DEPDC7: variants seen among roughly 807,000 people sequenced by gnomAD.
DEPDC7 encodes the protein DEP domain containing 7, also known as DEP domain-containing protein 7.
DEPDC7 carries 41 observed loss-of-function variants against 56.6 expected under a neutral mutation model. The ratio of observed to expected loss-of-function variants is 0.72; its 90% CI spans 0.56 to 0.94. The LOEUF (loss-of-function observed/expected upper bound fraction) is 0.94. DEPDC7 is among the 40% of genes least tolerant of loss of function. The probability of loss-of-function intolerance (pLI) is 0.00; values close to 1 mark genes in which losing one functional copy is unlikely to be tolerated. For synonymous variants in DEPDC7, 185 were observed against 208.8 expected (o/e 0.89, Z 0.98); for missense variants, 522 against 596.3 (o/e 0.88, Z 1.30).
At chr11:33,016,338 G>A (rs1032759810) in intron 1 of DEPDC7, 1 of 1,399,500 alleles carries the variant, frequency 7.1e-7, no homozygotes, top group African/African-American at 1.5e-5. Flanking sequence ...GGCACGCGCC[G>A]GGGAGCTCCG....
At position 33,027,878 on chromosome 11, in the gene DEPDC7, A is replaced by G. The variant is rs188182777; in HGVS notation, c.592+65A>G. ...ACTTCAAAGTTATTTAAAATTTTTT[A>G]ATCTTAATCTTTATTAGATTTTAAA... On this transcript the variant is annotated intron_variant, in intron 3 of 8. Transcript: ENST00000241051. 50 of 1,417,314 alleles carry G rather than the reference A, an allele frequency of 3.5e-5. 2 individuals carry two copies. In the East Asian group the frequency reaches 1.3e-3, roughly 37 times the overall value. 87.8% of individuals were successfully genotyped at this position (1,417,314 alleles called of 1,614,324 possible). A position where few individuals can be genotyped will look rare whatever the true frequency, so the allele number is the denominator to read the frequency against.
Position 33,015,922 on chromosome 11 carries a change from T to A in DEPDC7, c.-34T>A. On this transcript the variant is annotated 5_prime_UTR_variant, in exon 1 of 9. Transcript: ENST00000241051. ...TCAGGGAGCTAGGGAGCTGTGAAGC[T>A]GCTGGAGGAGTTGGCGTCCGGGGAG... The A allele has an allele frequency of 6.5e-7, 1 of 1,550,352 alleles. No homozygotes were observed.
rs1215933550 is a variant in DEPDC7 at position 33,033,473 on chromosome 11, A to G, written c.*18A>G. Reference sequence around the variant, plus strand: ...GAGACTGAGTTTTTAATATCTGTATATAAGTTGTGTATTTTAAGAATAAAT... The same window carrying G: ...GAGACTGAGTTTTTAATATCTGTATGTAAGTTGTGTATTTTAAGAATAAAT... On this transcript the variant is annotated 3_prime_UTR_variant, in exon 9 of 9. Transcript: ENST00000241051. 6.9e-7 allele frequency: 1 copy of G among 1,439,524 alleles called. No individual in the cohort carries two copies. Among genetic ancestry groups the G allele is most frequent in the Non-Finnish European group, 9.4e-7 (1 of 1,066,278 alleles). The allele number at this position is 1,439,524 out of a possible 1,614,324, so 89.2% of individuals were successfully genotyped here.
chr11:33,027,556 C>A (rs1590209037), intron 2 of DEPDC7, 130 bp from the exon 3 acceptor site: 1 of 687,362 alleles, frequency 1.5e-6, no homozygotes, highest in Middle Eastern at 3.5e-4. Context: ...ATTTATTCTA[C>A]TCTTAGAATT....
At chr11:33,016,793 A>G (rs1482926863) in intron 1 of DEPDC7, among the ~76,000 whole-genome samples, 1 of 152,166 alleles carries the variant, frequency 6.6e-6, no homozygotes, top group African/African-American at 2.4e-5. Flanking sequence ...AATGCTGGTT[A>G]TAGCAGATCT....
At position 33,025,770 on chromosome 11, in the gene DEPDC7, A is replaced by G. The variant is rs1853570839; in HGVS notation, c.185A>G (p.His62Arg). The change falls in exon 2 of 9, where the codon CAT (histidine) becomes CGT (arginine). Residue 62 changes from histidine to arginine, a missense_variant. His to Arg is a conservative substitution (Grantham distance 29). Coordinates refer to ENST00000241051, the MANE Select transcript of DEPDC7 (RefSeq NM_001077242.2). ...VKKRRHRLKR[H>R]NDCFVGSEAV... ...AAACGAAGGCACCGTTTAAAACGACATAATGACTGCTTTGTTGGTTCAGAA... is the reference window on the plus strand; with the variant it reads ...AAACGAAGGCACCGTTTAAAACGACGTAATGACTGCTTTGTTGGTTCAGAA... 3 of 1,614,116 alleles carry G rather than the reference A, an allele frequency of 1.9e-6. No homozygotes were observed. Among genetic ancestry groups the G allele is most frequent in the South Asian group, 1.1e-5 (1 of 91,092 alleles).
rs1417344073 is a variant in DEPDC7 at position 33,032,321 on chromosome 11, T to C, written c.995-15T>C. 2 of 1,552,186 alleles carry C rather than the reference T, an allele frequency of 1.3e-6. No individual in the cohort carries two copies. The highest frequency in any genetic ancestry group is 8.6e-7 in the Non-Finnish European group (1 of 1,161,272). On this transcript the variant is annotated splice_polypyrimidine_tract_variant and intron_variant, in intron 5 of 8. Transcript: ENST00000241051. ...ATTTGGTCAATTAAAAGCAGTTTTTTTCTTTTGGCTAAAGTGAATGGGAAG... is the reference window on the plus strand; with the variant it reads ...ATTTGGTCAATTAAAAGCAGTTTTTCTCTTTTGGCTAAAGTGAATGGGAAG...
At chr11:33,027,026 C>A in intron 2 of DEPDC7, among the ~76,000 whole-genome samples, 1 of 152,286 alleles carries the variant, frequency 6.6e-6, no homozygotes. Flanking sequence ...TCAAAACTTT[C>A]AGATGCAGGT....
chr11:33,019,878 C>CTT (rs77915754), intron 1 of DEPDC7, among the ~76,000 whole-genome samples: 8 of 128,760 alleles, frequency 6.2e-5, no homozygotes, highest in South Asian at 2.5e-4. Context: ...GATTCAGTTC[C>CTT]TTTTTTTTTT....
rs1372953503 is a variant in DEPDC7 at position 33,028,626 on chromosome 11, G to C, written c.616G>C (p.Glu206Gln). 6.3e-7 allele frequency: 1 copy of C among 1,597,318 alleles called. No homozygotes were observed. The highest frequency in any genetic ancestry group is 8.5e-7 in the Non-Finnish European group (1 of 1,175,524). Reference sequence around the variant, plus strand: ...AGTTATTAATGAAGTGTGGCAAGAAGAAACAATTGGGCGTCTACTACAACT... The same window carrying C: ...AGTTATTAATGAAGTGTGGCAAGAACAAACAATTGGGCGTCTACTACAACT... ...PQVINEVWQE[E>Q]TIGRLLQLVD... The change falls in exon 4 of 9, where the codon GAA becomes CAA. Residue 206 changes from glutamate to glutamine, a missense_variant. Coordinates refer to ENST00000241051, the MANE Select transcript of DEPDC7 (RefSeq NM_001077242.2).
At position 33,033,057 on chromosome 11, in the gene DEPDC7, AT is replaced by A. The variant is rs144233192; in HGVS notation, c.1342+93del. 1,556 of 1,111,490 alleles carry A rather than the reference AT, an allele frequency of 1.4e-3. 13 individuals carry two copies. The African/African-American group carries it at 0.022, about 16-fold the overall frequency. The allele number at this position is 1,111,490 out of a possible 1,614,324, so 68.9% of individuals were successfully genotyped here. On this transcript the variant is annotated intron_variant, in intron 8 of 8. Coordinates refer to ENST00000241051, the MANE Select transcript of DEPDC7 (RefSeq NM_001077242.2). ...TTTTGCTATAAGTAGTTGGACTTTA[AT>A]TTCAACCAAATTTAAAACATTCTCC...
intron 3 of DEPDC7, chr11:33,028,068 G>A (rs778932696): frequency 6.4e-6 from 2 of 311,074 alleles, no homozygotes; most frequent in Admixed American, 1.0e-4. Context: ...TTTGCATGCA[G>A]ATTTGTATTG....
At chr11:33,025,106 C>T (rs1385495586) in intron 1 of DEPDC7, among the ~76,000 whole-genome samples, 2 of 152,130 alleles carry the variant, frequency 1.3e-5, no homozygotes, top group Admixed American at 6.5e-5. Flanking sequence ...TCCAGCCCCT[C>T]TCCCTCCTTG....
chr11:33,016,414 CT>C, intron 1 of DEPDC7: 2 of 1,531,218 alleles, frequency 1.3e-6, no homozygotes, highest in South Asian at 1.3e-5. Context: ...TCTTTGCCCC[CT>C]GTCTCAACCA....
chr11:33,028,844 T>C, intron 4 of DEPDC7, 52 bp downstream of exon 4: 1 of 1,385,418 alleles, frequency 7.2e-7, no homozygotes. Flanking sequence ...TAGATTGAGA[T>C]AATGGTTTTA....
chr11:33,030,375 A>T (rs1420904715), intron 4 of DEPDC7, among the ~76,000 whole-genome samples: 1 of 152,194 alleles, frequency 6.6e-6, no homozygotes. Context: ...CCTGCCTGAG[A>T]TACCTCACCT....
chr11:33,027,212 C>T lies in DEPDC7; in HGVS notation c.465-474C>T, dbSNP rs2133663999. ...CCGTGGTAAACAAAAGAATATACTA[C>T]CGGGATAAATTAAAGCTATCATAGT... On this transcript the variant is annotated intron_variant, in intron 2 of 8. Coordinates refer to ENST00000241051, the MANE Select transcript of DEPDC7 (RefSeq NM_001077242.2). 2.0e-5 allele frequency among the ~76,000 whole-genome samples: 3 copies of T among 152,230 alleles called. No individual in the cohort carries two copies. The South Asian group carries it at 6.2e-4, about 32-fold the overall frequency.
intron 4 of DEPDC7, among the ~76,000 whole-genome samples, chr11:33,029,489 C>CAAAAAAAAAAAAAAAAAAAAAAAAA: frequency 1.1e-5 from 1 of 93,230 alleles, no homozygotes; most frequent in Non-Finnish European, 2.1e-5. Context: ...GAGAATGTCT[C>CAAAAAAAAAAAAAAAAAAAAAAAAA]AAAAAAAAAA....
chr11:33,028,446 T>C (rs1157843432), intron 3 of DEPDC7, among the ~76,000 whole-genome samples, 157 bp from the exon 4 acceptor site: 1 of 152,258 alleles, frequency 6.6e-6, no homozygotes, highest in East Asian at 1.9e-4. Context: ...AAATCTTGGA[T>C]TGTTTTACTT....
Sources: gnomAD v4.1 joint callset for allele counts (sites outside exome capture counted in the v4.1 genomes callset) on GRCh38, gnomAD v4.1.1 for gene constraint, MANE v1.5 for transcripts, NCBI Gene and HGNC (gene_info 2026-07-23, HGNC 2026-07-21) for gene names.